TFDP1: variants seen among roughly 807,000 people sequenced by gnomAD.
The protein encoded by TFDP1 is DRTF1-polypeptide 1.
TFDP1 carries 6 observed loss-of-function variants against 48.0 expected under a neutral mutation model. The observed-to-expected ratio is 0.13, with a 90% CI of 0.07 to 0.25. TFDP1 has a LOEUF of 0.25. Among genes scored for constraint, TFDP1 ranks in the 10% least tolerant of loss-of-function variants. The pLI is 1.00. For synonymous variants in TFDP1, 201 were observed against 211.6 expected, an observed-to-expected ratio of 0.95 and a Z score of 0.44; for missense variants, 335 against 543.0, an observed-to-expected ratio of 0.62 and a Z score of 3.81.
Position 113,633,298 on chromosome 13 carries a change from C to CG in TFDP1, c.474+18dup, listed in dbSNP as rs767180990. On this transcript the variant is annotated intron_variant, in intron 6 of 11. Coordinates refer to ENST00000375370, the MANE Select transcript of TFDP1 (RefSeq NM_007111.5). This position sits in a 1 kb window ranked among gnomAD's most constrained non-coding sequence, Gnocchi z 4.5. ...ACCAAACGAGTCAGTAAGTGTGTGC[C>CG]GGGGGCCGAGAGGCTGGGGTGGCGG... 3 of 1,607,030 alleles carry CG rather than the reference C, an allele frequency of 1.9e-6. No homozygotes were observed. Among genetic ancestry groups the CG allele is most frequent in the Non-Finnish European group, 2.6e-6 (3 of 1,175,418 alleles).
chr13:113,625,085 TCTCTCACGTG>T (rs2049103920), intron 4 of TFDP1, among the ~76,000 whole-genome samples: 74 of 92,816 alleles, frequency 8.0e-4, no homozygotes, highest in African/African-American at 4.9e-3. Flanking sequence ...TCCTCAGGTG[TCTCTCACGTG>T]TCCTCAGGTG....
chr13:113,601,855 A>G (rs1229945774), intron 2 of TFDP1, among the ~76,000 whole-genome samples: 2 of 151,904 alleles, frequency 1.3e-5, no homozygotes, highest in Admixed American at 1.3e-4. Context: ...AGTTACCTGC[A>G]GGAGTCGAGG....
intron 9 of TFDP1, 53 bp downstream of exon 9, chr13:113,636,181 G>GT: frequency 6.3e-7 from 1 of 1,595,036 alleles, no homozygotes; most frequent in Admixed American, 1.7e-5. Flanking sequence ...TTTTTAGGGA[G>GT]CCGACCCTGT....
chr13:113,632,918 C>T (rs765311116), intron 5 of TFDP1, among the ~76,000 whole-genome samples: 42 of 152,368 alleles, frequency 2.8e-4, no homozygotes, highest in Non-Finnish European at 4.7e-4. Flanking sequence ...GGGAGACACT[C>T]GCTTTCTGAC....
At chr13:113,617,315 G>A (rs569023055) in intron 3 of TFDP1, among the ~76,000 whole-genome samples, 1 of 152,238 alleles carries the variant, frequency 6.6e-6, no homozygotes, top group East Asian at 1.9e-4. Context: ...GGCTGTGGTC[G>A]CTTAGGCAGG....
At chr13:113,610,499 G>A (rs1030629577) in intron 2 of TFDP1, among the ~76,000 whole-genome samples, 6 of 146,954 alleles carry the variant, frequency 4.1e-5, no homozygotes, top group South Asian at 2.1e-4. Flanking sequence ...GTGCCATCAC[G>A]TGTGCCCCCG....
intron 2 of TFDP1, among the ~76,000 whole-genome samples, chr13:113,590,915 T>C (rs1052759802): frequency 2.2e-5 from 3 of 134,284 alleles, no homozygotes; most frequent in Non-Finnish European, 3.1e-5. Context: ...GAGGCTGAGT[T>C]AGGAGAATGG....
intron 3 of TFDP1, among the ~76,000 whole-genome samples, chr13:113,617,773 A>G (rs1288372241): frequency 6.6e-6 from 1 of 152,262 alleles, no homozygotes; most frequent in African/African-American, 2.4e-5. Flanking sequence ...ACTCTTAGAC[A>G]TCTGGCTCTG....
At chr13:113,634,423 A>T in intron 7 of TFDP1, 111 bp from the exon 8 acceptor site, 1 of 914,064 alleles carries the variant, frequency 1.1e-6, no homozygotes, top group Non-Finnish European at 1.7e-6. Context: ...CCCTTCGATT[A>T]CATTCTGGGT....
intron 3 of TFDP1, among the ~76,000 whole-genome samples, chr13:113,614,122 TTG>T (rs1209076771): frequency 2.0e-5 from 3 of 150,184 alleles, no homozygotes; most frequent in South Asian, 2.1e-4. Context: ...GTGAGTTGAG[TTG>T]TGTGCATGGA....
rs2049620902 is a variant in TFDP1 at position 113,640,683 on chromosome 13, T to C, written c.*416T>C. ...TTGCCGTGAGTTTGGACGGCACCCCTGCTGGCGGATAGCAAGACTCTGTGG... is the reference window on the plus strand; with the variant it reads ...TTGCCGTGAGTTTGGACGGCACCCCCGCTGGCGGATAGCAAGACTCTGTGG... On this transcript the variant is annotated 3_prime_UTR_variant, in exon 12 of 12. Transcript: ENST00000375370. The C allele has an allele frequency of 4.0e-6, 1 of 251,492 alleles. No individual in the cohort carries two copies. Among genetic ancestry groups the C allele is most frequent in the African/African-American group, 2.4e-5 (1 of 42,060 alleles). The allele number at this position is 251,492 out of a possible 1,614,324, so 15.6% of individuals were successfully genotyped here. A position where few individuals can be genotyped will look rare whatever the true frequency, so the allele number is the denominator to read the frequency against.
At chr13:113,618,393 G>A (rs972129617) in intron 3 of TFDP1, among the ~76,000 whole-genome samples, 2 of 152,174 alleles carry the variant, frequency 1.3e-5, no homozygotes, top group Non-Finnish European at 2.9e-5. Flanking sequence ...ATGGTTGTGC[G>A]AGCCTGTAGT....
chr13:113,625,801 T>C (rs113618345), intron 4 of TFDP1, among the ~76,000 whole-genome samples: 4,110 of 26,726 alleles, frequency 0.15, 1 homozygote, highest in Admixed American at 0.24. Flanking sequence ...GTCTCTCACG[T>C]GTCCTCAGGT....
At chr13:113,608,293 C>T (rs1050560061) in intron 2 of TFDP1, among the ~76,000 whole-genome samples, 5 of 152,254 alleles carry the variant, frequency 3.3e-5, no homozygotes, top group Non-Finnish European at 5.9e-5. Context: ...AGCAGGCGCT[C>T]ATGCTCATCC....
intron 3 of TFDP1, among the ~76,000 whole-genome samples, chr13:113,622,815 T>A (rs939005015): frequency 6.6e-6 from 1 of 152,198 alleles, no homozygotes; most frequent in Non-Finnish European, 1.5e-5. Flanking sequence ...TATAGAGAAA[T>A]GTTGCGATAA....
At chr13:113,589,640 G>C (rs1418867811) in intron 2 of TFDP1, among the ~76,000 whole-genome samples, 1 of 152,180 alleles carries the variant, frequency 6.6e-6, no homozygotes, top group Non-Finnish European at 1.5e-5. Flanking sequence ...AGATCTGTGG[G>C]CTCCCGTTGC....
intron 2 of TFDP1, among the ~76,000 whole-genome samples, chr13:113,596,548 C>A (rs892545360): frequency 6.6e-6 from 1 of 152,188 alleles, no homozygotes; most frequent in Non-Finnish European, 1.5e-5. Flanking sequence ...GGAGGAGTCA[C>A]ACATTTGACA....
chr13:113,606,414 G>C (rs1039536020), intron 2 of TFDP1, among the ~76,000 whole-genome samples: 2 of 152,160 alleles, frequency 1.3e-5, no homozygotes, highest in African/African-American at 2.4e-5. Flanking sequence ...CCACTTCTTG[G>C]CTGGTAAATA....
chr13:113,613,447 C>T (rs935685569), intron 3 of TFDP1, among the ~76,000 whole-genome samples: 38 of 152,172 alleles, frequency 2.5e-4, no homozygotes, highest in Admixed American at 1.2e-3. Flanking sequence ...TGTTCACTTC[C>T]GGTGTTCGTT....
Sources: gnomAD v4.1 joint callset for allele counts (sites outside exome capture counted in the v4.1 genomes callset) on GRCh38, gnomAD v4.1.1 for gene constraint, Gnocchi (gnomAD v3.1) non-coding constraint, MANE v1.5 for transcripts, NCBI Gene and HGNC (gene_info 2026-07-23, HGNC 2026-07-21) for gene names.